ZNF260: variants seen among roughly 807,000 people sequenced by gnomAD.
ZNF260 encodes the protein zfp-260.
A neutral mutation model predicts 29.3 loss-of-function variants in ZNF260; 21 were observed. The ratio of observed to expected loss-of-function variants is 0.72; its 90% CI spans 0.51 to 1.03. The LOEUF is 1.03. Among genes scored for constraint, ZNF260 ranks in the 50% least tolerant of loss-of-function variants. The pLI is 0.00. For synonymous variants in ZNF260, 156 were observed against 156.8 expected (o/e 0.99, Z 0.04); for missense variants, 465 against 487.8 (o/e 0.95, Z 0.44).
intron 1 of ZNF260, among the ~76,000 whole-genome samples, chr19:36,527,600 G>A (rs1271750186): frequency 1.3e-5 from 2 of 152,120 alleles, no homozygotes; most frequent in African/African-American, 4.8e-5. Flanking sequence ...TGTGCCGTCT[G>A]CGCTATTGGA....
rs1011407275 is a variant in ZNF260 at position 36,513,707 on chromosome 19, T to C, written c.*293A>G. The C allele has an allele frequency of 6.0e-5, 26 of 431,604 alleles. No homozygotes were observed. The highest frequency in any genetic ancestry group is 9.9e-5 in the Non-Finnish European group (24 of 243,532). The allele number at this position is 431,604 out of a possible 1,614,324, so 26.7% of individuals were successfully genotyped here. On this transcript the variant is annotated 3_prime_UTR_variant, in exon 3 of 3. Transcript: ENST00000523638. ...CATACATCTCATATCTATTTCTTAA[T>C]GCATCTGTAGGCCTTCCAGGAACAC...
intron 2 of ZNF260, chr19:36,517,336 A>C (rs1443619549): frequency 6.6e-6 from 1 of 152,496 alleles, no homozygotes; most frequent in East Asian, 1.9e-4. Context: ...TCGAGGCTGC[A>C]GTATGCTATG....
chr19:36,520,884 C>T (rs1238639123), intron 2 of ZNF260, among the ~76,000 whole-genome samples: 4 of 139,528 alleles, frequency 2.9e-5, no homozygotes, highest in African/African-American at 1.1e-4. Flanking sequence ...AAAAAAAGGA[C>T]CAGCCTGGCC....
chr19:36,514,506 C>T lies in ZNF260; in HGVS notation c.733G>A (p.Glu245Lys), dbSNP rs2034509319. ...LIRHQRSHTG[E>K]KPYTCKECGK... ...CATTCCTTACACGTATAAGGTTTCT[C>T]TCCTGTGTGACTTCTCTGGTGTCTA... Residue 245 changes from glutamate to lysine, a missense_variant, in exon 3 of 3, where the codon GAG (glutamate) becomes AAG (lysine). By Grantham distance (56) the Glu-to-Lys change is moderately conservative. Transcript: ENST00000523638. 1.2e-6 allele frequency: 2 copies of T among 1,613,732 alleles called. No individual in the cohort carries two copies. The highest frequency in any genetic ancestry group is 1.7e-6 in the Non-Finnish European group (2 of 1,179,974).
Position 36,514,520 on chromosome 19 carries a change from C to T in ZNF260, c.719G>A (p.Arg240Lys), listed in dbSNP as rs767633462. ...IQKSSLIRHQ[R>K]SHTGEKPYTC... is the part of the protein sequence containing the mutation. ...ATAAGGTTTCTCTCCTGTGTGACTT[C>T]TCTGGTGTCTAATGAGGCTTGACTT... The change falls in exon 3 of 3, where the codon AGA becomes AAA. Residue 240 changes from arginine to lysine, a missense_variant. Transcript: ENST00000523638. The T allele has an allele frequency of 8.1e-6, 13 of 1,613,866 alleles. No individual in the cohort carries two copies. In the Admixed American group the frequency reaches 2.2e-4, roughly 27 times the overall value.
rs536025545 is a variant in ZNF260, at chr19:36,525,573, G to A, written c.-680-200C>T. 1.2e-4 allele frequency among the ~76,000 whole-genome samples: 19 copies of A among 152,286 alleles called. No individual in the cohort carries two copies. The South Asian group carries it at 3.9e-3, about 32-fold the overall frequency. ...AGGCCGAGGCAGGCAGATCACTTGAGATTAGGAGTTCGAGACCCGCCTGGC... is the reference window on the plus strand; with the variant it reads ...AGGCCGAGGCAGGCAGATCACTTGAAATTAGGAGTTCGAGACCCGCCTGGC... On this transcript the variant is annotated intron_variant, in intron 1 of 2. Transcript: ENST00000523638.
chr19:36,523,495 G>A (rs1392161927), intron 2 of ZNF260, among the ~76,000 whole-genome samples: 2 of 151,980 alleles, frequency 1.3e-5, no homozygotes, highest in East Asian at 3.9e-4. Context: ...GGGATTGAGG[G>A]CCAGGAATGA....
rs141564610 is a variant in ZNF260 at position 36,520,680 on chromosome 19, G to A, written c.-462+4475C>T. 2.1e-3 allele frequency among the ~76,000 whole-genome samples: 320 copies of A among 152,018 alleles called. 2 individuals are homozygous for A. The highest frequency in any genetic ancestry group is 7.3e-3 in the African/African-American group (301 of 41,474). Reference sequence around the variant, plus strand: ...ACTCTGGCTAACATGGTGAAACCCCGTCTGTACTAAAAAGACAAAAACAAA... The same window carrying A: ...ACTCTGGCTAACATGGTGAAACCCCATCTGTACTAAAAAGACAAAAACAAA... On this transcript the variant is annotated intron_variant, in intron 2 of 2. Transcript: ENST00000523638.
rs552980507 is a variant in ZNF260, at chr19:36,515,612, G to C, written c.-374C>G. 19 of 173,252 alleles carry C rather than the reference G, an allele frequency of 1.1e-4. 2 individuals are homozygous for C. In the South Asian group the frequency reaches 3.7e-3, roughly 34 times the overall value. 10.7% of individuals were successfully genotyped at this position (173,252 alleles called of 1,614,324 possible). ...ACTTTGTTTCCTAAATTTTCCCTCA[G>C]TCTGTCTTTTCACAGAGAAAGATGA... is the stretch of plus-strand genomic sequence containing the variant. On this transcript the variant is annotated 5_prime_UTR_variant, in exon 3 of 3. Transcript: ENST00000523638.
At chr19:36,520,783 C>T (rs1307742534) in intron 2 of ZNF260, among the ~76,000 whole-genome samples, 1 of 150,578 alleles carries the variant, frequency 6.6e-6, no homozygotes, top group Non-Finnish European at 1.5e-5. Context: ...TTACTTGAAC[C>T]TGGGAGGCAG....
chr19:36,516,624 G>A (rs529596410), intron 2 of ZNF260, among the ~76,000 whole-genome samples: 2 of 152,150 alleles, frequency 1.3e-5, no homozygotes, highest in African/African-American at 4.8e-5. Context: ...TGTCGCCCAG[G>A]CTGGAGCGCA....
chr19:36,513,691 C>T lies in ZNF260; in HGVS notation c.*309G>A, dbSNP rs1244199908. 1 of 426,242 alleles carries T rather than the reference C, an allele frequency of 2.3e-6. No individual in the cohort carries two copies. The highest frequency in any genetic ancestry group is 4.2e-6 in the Non-Finnish European group (1 of 240,420). The allele number at this position is 426,242 out of a possible 1,614,324, so 26.4% of individuals were successfully genotyped here. ...CTTAATTTCAAATCCTCATACATCT[C>T]ATATCTATTTCTTAATGCATCTGTA... On this transcript the variant is annotated 3_prime_UTR_variant, in exon 3 of 3. Coordinates refer to ENST00000523638, the MANE Select transcript of ZNF260 (RefSeq NM_001166037.2).
At chr19:36,517,842 T>C (rs1456694046) in intron 2 of ZNF260, among the ~76,000 whole-genome samples, 2 of 151,886 alleles carry the variant, frequency 1.3e-5, no homozygotes, top group African/African-American at 4.8e-5. Flanking sequence ...TTCTTTCTTT[T>C]TTTTTTTTTG....
Position 36,511,985 on chromosome 19 carries a change from C to A in ZNF260, c.*2015G>T, listed in dbSNP as rs1046148406. Reference sequence around the variant, plus strand: ...ATTTCTAATGCTAATACTGGTTATGCAGAGTATTAAAATTTCTGATAAATG... The same window carrying A: ...ATTTCTAATGCTAATACTGGTTATGAAGAGTATTAAAATTTCTGATAAATG... On this transcript the variant is annotated 3_prime_UTR_variant, in exon 3 of 3. Transcript: ENST00000523638. 6.6e-6 allele frequency: 1 copy of A among 152,086 alleles called. No individual in the cohort carries two copies. Among genetic ancestry groups the A allele is most frequent in the African/African-American group, 2.4e-5 (1 of 41,410 alleles). 9.4% of individuals were successfully genotyped at this position (152,086 alleles called of 1,614,324 possible). A position where few individuals can be genotyped will look rare whatever the true frequency, so the allele number is the denominator to read the frequency against.
intron 1 of ZNF260, among the ~76,000 whole-genome samples, chr19:36,525,999 A>G (rs1381727701): frequency 1.3e-5 from 2 of 152,090 alleles, no homozygotes; most frequent in Non-Finnish European, 2.9e-5. Flanking sequence ...TTTTCCCCAT[A>G]ACACTTTTCT....
Position 36,522,047 on chromosome 19 carries a change from TCAAA to T in ZNF260, c.-462+3104_-462+3107del, listed in dbSNP as rs376620706. Among the ~76,000 whole-genome samples the T allele has an allele frequency of 1.8e-3, 277 of 151,592 alleles. 3 individuals are homozygous for T. The highest frequency in any genetic ancestry group is 6.2e-3 in the African/African-American group (255 of 41,286). On this transcript the variant is annotated intron_variant, in intron 2 of 2. Coordinates refer to ENST00000523638, the MANE Select transcript of ZNF260 (RefSeq NM_001166037.2). ...CCAGGTGACAGTGTGAGACTTCATC[TCAAA>T]CAAATAAAAAAAATAAAATAAAATG...
At chr19:36,519,729 G>A (rs975001048) in intron 2 of ZNF260, among the ~76,000 whole-genome samples, 1 of 151,982 alleles carries the variant, frequency 6.6e-6, no homozygotes, top group African/African-American at 2.4e-5. Context: ...ACATAGAAAT[G>A]ACAGAACAAA....
intron 2 of ZNF260, among the ~76,000 whole-genome samples, chr19:36,524,318 G>C (rs1458644424): frequency 6.6e-6 from 1 of 151,896 alleles, no homozygotes; most frequent in Non-Finnish European, 1.5e-5. Context: ...TGGAACTACA[G>C]GCGCCCGCCA....
At position 36,514,617 on chromosome 19, in the gene ZNF260, T is replaced by C; in HGVS notation, c.622A>G (p.Ile208Val). Residue 208 changes from isoleucine to valine, a missense_variant, in exon 3 of 3, where the codon ATT becomes GTT. By Grantham distance (29) the Ile-to-Val change is conservative. Transcript: ENST00000523638. ...GKAFSQKENL[I>V]IHQRIHTGEK... ...CCAGTATGGATTCTCTGATGTATAA[T>C]GAGGTTTTCCTTCTGGCTAAAAGCT... The C allele has an allele frequency of 1.2e-6, 2 of 1,614,014 alleles. No homozygotes were observed. The highest frequency in any genetic ancestry group is 1.7e-6 in the Non-Finnish European group (2 of 1,179,972).
Sources: gnomAD v4.1 joint callset for allele counts (sites outside exome capture counted in the v4.1 genomes callset) on GRCh38, gnomAD v4.1.1 for gene constraint, MANE v1.5 for transcripts, NCBI Gene and HGNC (gene_info 2026-07-23, HGNC 2026-07-21) for gene names.